The following WASF2 variants were observed in gnomAD, a reference collection of about 807,000 sequenced individuals.
WASF2 encodes actin-binding protein WASF2.
WASF2 carries 14 observed loss-of-function variants against 45.0 expected under a neutral mutation model. The observed-to-expected ratio is 0.31, with a 90% CI of 0.21 to 0.49. WASF2 has a LOEUF of 0.49. Ranked by LOEUF, WASF2 falls within the 20% of genes least tolerant of loss-of-function variation. WASF2 has a pLI of 0.99. For synonymous variants in WASF2, 200 were observed against 236.3 expected, an observed-to-expected ratio of 0.85 and a Z score of 1.41; for missense variants, 439 against 636.1, an observed-to-expected ratio of 0.69 and a Z score of 3.33.
intron 2 of WASF2, among the ~76,000 whole-genome samples, chr1:27,419,760 CT>C (rs2016880437): frequency 6.6e-6 from 1 of 152,136 alleles, no homozygotes; most frequent in South Asian, 2.1e-4. Context: ...AAATTAGTTC[CT>C]CAATGGAGCC....
In WASF2 at chr1:27,412,630, A is replaced by C. The variant is rs117489792; in HGVS notation, c.766T>G (p.Ser256Ala). ...TCGGAGAAGGAAGGAGAAGGTGAAG[A>C]AGCAGAGTCTGACTGTGGTGGTGGC... ...YPPPPQSDSA[S>A]SPSPSFSEDN... Residue 256 changes from serine to alanine, a missense_variant, in exon 7 of 9, where the codon TCT becomes GCT. Physicochemically the swap from Ser to Ala is moderately conservative, Grantham distance 99. Around this residue, in one of 5 missense-constraint regions of WASF2, gnomAD observed 286 missense variants for 373.5 expected, o/e 0.77. Transcript: ENST00000618852. The C allele has an allele frequency of 6.2e-7, 1 of 1,614,236 alleles. No homozygotes were observed. The highest frequency in any genetic ancestry group is 2.2e-5 in the East Asian group (1 of 44,890).
At chr1:27,417,493 T>C (rs571485883) in intron 4 of WASF2, among the ~76,000 whole-genome samples, 59 of 152,342 alleles carry the variant, frequency 3.9e-4, no homozygotes, top group Middle Eastern at 6.8e-3. Context: ...AGTGTACACA[T>C]GTCTGATAGA....
chr1:27,466,283 T>G (rs189437247), intron 1 of WASF2, among the ~76,000 whole-genome samples: 49 of 152,354 alleles, frequency 3.2e-4, no homozygotes, highest in African/African-American at 6.3e-4. Flanking sequence ...AATTAAAATC[T>G]AATCATTTTT....
intron 1 of WASF2, among the ~76,000 whole-genome samples, chr1:27,441,588 C>T (rs758273661): frequency 6.6e-6 from 1 of 151,792 alleles, no homozygotes; most frequent in Non-Finnish European, 1.5e-5. Context: ...CCCATCTCTA[C>T]TAAAAATACA....
intron 1 of WASF2, among the ~76,000 whole-genome samples, chr1:27,433,256 C>G (rs1213925319): frequency 6.6e-6 from 1 of 152,172 alleles, no homozygotes; most frequent in Non-Finnish European, 1.5e-5. Flanking sequence ...TCCAGTCTTT[C>G]ATAACTGGAT....
chr1:27,419,853 T>C (rs1271280283), intron 2 of WASF2, among the ~76,000 whole-genome samples: 2 of 152,160 alleles, frequency 1.3e-5, no homozygotes, highest in Admixed American at 1.3e-4. Context: ...AGCAGAGATA[T>C]ACAACTTCTT....
intron 1 of WASF2, among the ~76,000 whole-genome samples, chr1:27,454,187 ATTTT>A (rs869057863): frequency 1.7e-3 from 22 of 12,764 alleles, no homozygotes; most frequent in African/African-American, 2.9e-3. Flanking sequence ...ATATATATAT[ATTTT>A]TTTTTTTTTT....
intron 7 of WASF2, among the ~76,000 whole-genome samples, chr1:27,412,027 G>A (rs2016768118): frequency 1.3e-5 from 2 of 152,092 alleles, no homozygotes; most frequent in African/African-American, 2.4e-5. Flanking sequence ...GTGACCTTTG[G>A]GTCATTTCAT....
chr1:27,480,824 C>G (rs182442953), intron 1 of WASF2, among the ~76,000 whole-genome samples: 2 of 151,660 alleles, frequency 1.3e-5, no homozygotes, highest in African/African-American at 4.8e-5. Flanking sequence ...CTGGCTAACA[C>G]GGTGAAACCC....
chr1:27,460,981 T>C (rs1346588214), intron 1 of WASF2, among the ~76,000 whole-genome samples: 1 of 151,928 alleles, frequency 6.6e-6, no homozygotes, highest in Admixed American at 6.6e-5. Flanking sequence ...CCCGTCTCTA[T>C]TAAATATACA....
chr1:27,441,470 A>T (rs1181495281), intron 1 of WASF2, among the ~76,000 whole-genome samples: 6 of 144,398 alleles, frequency 4.2e-5, no homozygotes, highest in Admixed American at 2.7e-4. Flanking sequence ...TCTACTAAAA[A>T]TGGCCGGGCG....
At chr1:27,447,356 A>G (rs1438664919) in intron 1 of WASF2, among the ~76,000 whole-genome samples, 1 of 152,058 alleles carries the variant, frequency 6.6e-6, no homozygotes, top group Non-Finnish European at 1.5e-5. Flanking sequence ...GTTTTCAGCA[A>G]CTCTCAAGGA....
intron 1 of WASF2, among the ~76,000 whole-genome samples, chr1:27,477,907 A>AAAAT (rs1182942868): frequency 6.8e-6 from 1 of 146,264 alleles, no homozygotes. Flanking sequence ...TCAAAAAAAA[A>AAAAT]AAATAAATAA....
At chr1:27,461,682 G>T (rs536625598) in intron 1 of WASF2, among the ~76,000 whole-genome samples, 1 of 151,728 alleles carries the variant, frequency 6.6e-6, no homozygotes, top group Non-Finnish European at 1.5e-5. Flanking sequence ...CACCGTGTTA[G>T]CCAGGATGGT....
intron 1 of WASF2, among the ~76,000 whole-genome samples, chr1:27,482,576 G>A (rs1214737789): frequency 1.3e-5 from 2 of 152,128 alleles, no homozygotes; most frequent in Non-Finnish European, 2.9e-5. Flanking sequence ...TTTACTCTAT[G>A]TAATCTTAAT....
chr1:27,486,966 A>G (rs1389371955), intron 1 of WASF2, among the ~76,000 whole-genome samples: 1 of 147,928 alleles, frequency 6.8e-6, no homozygotes, highest in Non-Finnish European at 1.5e-5. Context: ...TATAGATGAT[A>G]TATATTATAT....
At chr1:27,468,921 CAAAA>C (rs71010356) in intron 1 of WASF2, among the ~76,000 whole-genome samples, 3 of 77,794 alleles carry the variant, frequency 3.9e-5, no homozygotes, top group African/African-American at 8.1e-5. Context: ...GACTCTGTCT[CAAAA>C]AAAAAAAAAA....
intron 1 of WASF2, among the ~76,000 whole-genome samples, chr1:27,432,506 G>C (rs967995613): frequency 8.6e-5 from 13 of 151,722 alleles, no homozygotes; most frequent in African/African-American, 2.9e-4. Flanking sequence ...AAATTAGCTG[G>C]GCGCGGTGGC....
chr1:27,426,597 G>A (rs550475166), intron 2 of WASF2, among the ~76,000 whole-genome samples: 1 of 150,024 alleles, frequency 6.7e-6, no homozygotes, highest in African/African-American at 2.5e-5. Context: ...TACAACCTCC[G>A]CCTCCCGGAT....
Sources: allele counts gnomAD v4.1 joint callset (sites outside exome capture counted in the v4.1 genomes callset), GRCh38; gene constraint gnomAD v4.1.1; regional missense constraint gnomAD v4.1.1; transcripts MANE v1.5; gene names NCBI Gene and HGNC (gene_info 2026-07-23, HGNC 2026-07-21).